ECE1: variants seen among roughly 807,000 people sequenced by gnomAD.
The protein encoded by ECE1 is endothelin converting enzyme 1, also known as endothelin-converting enzyme 1.
ECE1 carries 35 observed loss-of-function variants against 98.6 expected under a neutral mutation model. The observed-to-expected ratio is 0.35, with a 90% CI of 0.27 to 0.47. The LOEUF is 0.47. Among genes scored for constraint, ECE1 ranks in the 20% least tolerant of loss-of-function variants. ECE1 has a pLI of 1.00. For synonymous variants in ECE1, 394 were observed against 407.1 expected, an observed-to-expected ratio of 0.97 and a Z score of 0.39; for missense variants, 814 against 1,025.3, an observed-to-expected ratio of 0.79 and a Z score of 2.81.
In ECE1 at chr1:21,220,172, G is replaced by T; in HGVS notation, c.2137-41C>A. 7 of 1,579,254 alleles carry T rather than the reference G, an allele frequency of 4.4e-6. No homozygotes were observed. Among genetic ancestry groups the T allele is most frequent in the Non-Finnish European group, 6.0e-6 (7 of 1,159,516 alleles). ...AGGGAGAGGCCAGGGTCACTGTGGG[G>T]CCCTCGGGCTGCCAGACTGCCCCCA... On this transcript the variant is annotated intron_variant, in intron 18 of 18. Transcript: ENST00000374893. The surrounding 1 kb of genome is among the most constrained non-coding windows in gnomAD (Gnocchi z 5.0).
At position 21,225,178 on chromosome 1, in the gene ECE1, G is replaced by C. The variant is rs2098172337; in HGVS notation, c.2040+72C>G. The stretch of plus-strand genomic sequence containing the variant: ...TGCGCCTGCCCTGGTTGTCCGTGAT[G>C]ATCCTCTACGGACAGGCATCTGGAA... On this transcript the variant is annotated intron_variant, in intron 17 of 18. Transcript: ENST00000374893. The surrounding 1 kb of genome is among the most constrained non-coding windows in gnomAD (Gnocchi z 5.3). 1 of 1,574,236 alleles carries C rather than the reference G, an allele frequency of 6.4e-7. No homozygotes were observed. The highest frequency in any genetic ancestry group is 1.7e-5 in the Admixed American group (1 of 59,112).
At chr1:21,318,035 T>TA (rs1638870666) in intron 1 of ECE1, among the ~76,000 whole-genome samples, 2 of 152,180 alleles carry the variant, frequency 1.3e-5, no homozygotes, top group Non-Finnish European at 2.9e-5. Context: ...ACCTTGAAGG[T>TA]ATCAGACGGC....
chr1:21,259,814 G>A (rs956722076), intron 5 of ECE1, among the ~76,000 whole-genome samples: 5 of 152,208 alleles, frequency 3.3e-5, no homozygotes, highest in African/African-American at 9.7e-5. Flanking sequence ...GTATAGGAGA[G>A]TGGCCTGGGT....
chr1:21,224,986 G>T (rs2098171965), intron 17 of ECE1, among the ~76,000 whole-genome samples: 1 of 152,204 alleles, frequency 6.6e-6, no homozygotes, highest in African/African-American at 2.4e-5. Flanking sequence ...AGGCTCTTCA[G>T]GCGGATGAAG....
chr1:21,264,601 C>T (rs966258822), intron 4 of ECE1, among the ~76,000 whole-genome samples: 8 of 152,240 alleles, frequency 5.3e-5, no homozygotes, highest in African/African-American at 7.2e-5. Context: ...AGGCGTCAGC[C>T]ACCGCACCCA....
intron 1 of ECE1, among the ~76,000 whole-genome samples, chr1:21,313,745 TA>T (rs1020686162): frequency 4.6e-5 from 7 of 152,128 alleles, no homozygotes; most frequent in African/African-American, 1.7e-4. Flanking sequence ...TTCTCATCTA[TA>T]AAATGGGGAC....
intron 2 of ECE1, among the ~76,000 whole-genome samples, chr1:21,285,554 A>G (rs2098259520): frequency 6.6e-6 from 1 of 152,064 alleles, no homozygotes; most frequent in African/African-American, 2.4e-5. Context: ...GCCAGGCATG[A>G]CGGCTCATAT....
intron 3 of ECE1, among the ~76,000 whole-genome samples, chr1:21,273,493 T>C (rs2098242952): frequency 6.6e-6 from 1 of 151,988 alleles, no homozygotes; most frequent in South Asian, 2.1e-4. Context: ...GAAATGTCTG[T>C]CCTCCTTTCT....
chr1:21,271,350 T>G (rs2098240005), intron 4 of ECE1, among the ~76,000 whole-genome samples: 1 of 152,234 alleles, frequency 6.6e-6, no homozygotes, highest in Non-Finnish European at 1.5e-5. Flanking sequence ...TGCCTTAAAT[T>G]GTTAATTGTC....
In ECE1 at chr1:21,290,080, T is replaced by C. The variant is rs750133447; in HGVS notation, c.128A>G (p.Asn43Ser). The C allele has an allele frequency of 9.2e-5, 138 of 1,493,248 alleles. 1 individual carries two copies. Among genetic ancestry groups the C allele is most frequent in the East Asian group, 9.1e-4 (32 of 35,184 alleles). The allele number at this position is 1,493,248 out of a possible 1,614,324, so 92.5% of individuals were successfully genotyped here. The change falls in exon 2 of 19, where the codon AAC (asparagine) becomes AGC (serine). Residue 43 changes from asparagine (N) to serine (S), a missense_variant. Physicochemically the swap from Asn to Ser is conservative, Grantham distance 46 (BLOSUM62 1). Transcript: ENST00000374893. The surrounding 1 kb of genome is among the most constrained non-coding windows in gnomAD (Gnocchi z 7.3). ...DSLSEGDAYP[N>S]GLQVNFHSPR... ...GCGGAGGGCGCCTACCTGCAGGCCGTTGGGGTATGCGTCGCCCTCGGAGAG... is the reference window on the plus strand; with the variant it reads ...GCGGAGGGCGCCTACCTGCAGGCCGCTGGGGTATGCGTCGCCCTCGGAGAG...
intron 16 of ECE1, 43 bp downstream of exon 16, chr1:21,227,116 G>C: frequency 1.3e-5 from 20 of 1,599,390 alleles, no homozygotes; most frequent in Non-Finnish European, 1.5e-5. Flanking sequence ...TTAAAGCACG[G>C]AGATTACAGG....
intron 1 of ECE1, among the ~76,000 whole-genome samples, chr1:21,318,930 G>A (rs1452642936): frequency 6.6e-6 from 1 of 152,210 alleles, no homozygotes; most frequent in East Asian, 1.9e-4. Flanking sequence ...AGATGCGAAG[G>A]AATACTATCC....
intron 17 of ECE1, 114 bp from the exon 18 acceptor site, chr1:21,221,956 G>A (rs1462659202): frequency 2.1e-6 from 2 of 941,304 alleles, no homozygotes; most frequent in Admixed American, 1.7e-5. Context: ...TAGTTTCTGG[G>A]GATCTGGGCC....
At chr1:21,286,369 T>C (rs1197764600) in intron 2 of ECE1, among the ~76,000 whole-genome samples, 1 of 152,218 alleles carries the variant, frequency 6.6e-6, no homozygotes, top group African/African-American at 2.4e-5. Context: ...AATAACCTAA[T>C]AACCAAATCC....
Position 21,228,039 on chromosome 1 carries a change from C to T in ECE1, c.1673G>A (p.Trp558Ter). ...QLRKAPNRDQWSMTPPMVNAY... is the reference protein window; with the variant it reads ...QLRKAPNRDQ ...GTTCACCATGGGCGGGGTCATGCTC[C>T]ACCTGCAAGCAACACACATGCAGGA... The change falls in exon 15 of 19, where the codon TGG (tryptophan) becomes TAG (stop). Residue 558 changes from tryptophan to a stop codon, truncating the protein, a stop_gained and splice_region_variant. Transcript: ENST00000374893. LOFTEE classifies it high-confidence loss of function. 1 of 1,557,866 alleles carries T rather than the reference C, an allele frequency of 6.4e-7. No individual in the cohort carries two copies. The highest frequency in any genetic ancestry group is 8.7e-7 in the Non-Finnish European group (1 of 1,150,364).
In ECE1 at chr1:21,285,656, C is replaced by A. The variant is rs569401802; in HGVS notation, c.138+4414G>T. ...AGTGAGCCATGATCACGCCACTGCA[C>A]TCCAGCCTGGGCAACAGAGCAAGAC... On this transcript the variant is annotated intron_variant, in intron 2 of 18. Coordinates refer to ENST00000374893, the MANE Select transcript of ECE1 (RefSeq NM_001397.3). Among the ~76,000 whole-genome samples, 13 of 148,256 alleles carry A rather than the reference C, an allele frequency of 8.8e-5. No homozygotes were observed. The South Asian group carries it at 2.8e-3, about 32-fold the overall frequency.
intron 1 of ECE1, among the ~76,000 whole-genome samples, chr1:21,310,046 C>T (rs1194595919): frequency 3.3e-5 from 5 of 152,140 alleles, no homozygotes; most frequent in African/African-American, 9.7e-5. Flanking sequence ...CCACCCGCCT[C>T]GGCCTCCCAA....
intron 4 of ECE1, chr1:21,266,408 G>A (rs1054966545): frequency 1.3e-5 from 2 of 152,240 alleles, no homozygotes; most frequent in Non-Finnish European, 2.9e-5. Context: ...GCCCCATCCT[G>A]TGCTGGGGGG....
In ECE1 at chr1:21,238,035, C is replaced by T. The variant is rs2098190539; in HGVS notation, c.1389+99G>A. The T allele has an allele frequency of 4.6e-6, 5 of 1,095,874 alleles. No homozygotes were observed. The East Asian group carries it at 9.6e-5, about 21-fold the overall frequency. The allele number at this position is 1,095,874 out of a possible 1,614,324, so 67.9% of individuals were successfully genotyped here. A position where few individuals can be genotyped will look rare whatever the true frequency, so the allele number is the denominator to read the frequency against. On this transcript the variant is annotated intron_variant, in intron 11 of 18. Coordinates refer to ENST00000374893, the MANE Select transcript of ECE1 (RefSeq NM_001397.3). ...GGCCCTAAGGTCCCCTGCCCAGGAG[C>T]AGGAAAGGCCCAGGGTGGGCTGGAG... is the stretch of plus-strand genomic sequence containing the variant.
Sources: allele counts gnomAD v4.1 joint callset (sites outside exome capture counted in the v4.1 genomes callset), GRCh38; gene constraint gnomAD v4.1.1; non-coding constraint Gnocchi (gnomAD v3.1); transcripts MANE v1.5; gene names NCBI Gene and HGNC (gene_info 2026-07-23, HGNC 2026-07-21).